Variants in BCL6B observed in about 807,000 individuals in gnomAD.
The protein encoded by BCL6B is BCL6B transcription repressor.
In BCL6B, 28 loss-of-function variants were observed where a neutral mutation model predicts 44.6. The observed-to-expected ratio is 0.63, with a 90% CI of 0.47 to 0.86. The LOEUF (loss-of-function observed/expected upper bound fraction) is 0.86. BCL6B is among the 40% of genes least tolerant of loss of function. The pLI is 0.00. For synonymous variants in BCL6B, 268 were observed against 263.6 expected (o/e 1.02, Z -0.16); for missense variants, 626 against 652.3 (o/e 0.96, Z 0.44).
rs1274575901 is a variant in BCL6B, at chr17:7,026,597, G to C, written c.1030G>C (p.Ala344Pro). 1 of 1,614,184 alleles carries C rather than the reference G, an allele frequency of 6.2e-7. No homozygotes were observed. Among genetic ancestry groups the C allele is most frequent in the East Asian group, 2.2e-5 (1 of 44,888 alleles). ...RSSFRYKGNLASHRTVHTGEK... is the reference protein window; with the variant it reads ...RSSFRYKGNLPSHRTVHTGEK... ...TTCGTTCCGCTACAAGGGCAACCTT[G>C]CCAGTCATCGTACAGTGCACACAGG... Residue 344 changes from alanine (A) to proline (P), a missense_variant, in exon 6 of 9, where the codon GCC becomes CCC. Transcript: ENST00000293805.
rs1910346854 is a variant in BCL6B, at chr17:7,027,965, T to C, written c.*346T>C. 1 of 1,070,304 alleles carries C rather than the reference T, an allele frequency of 9.3e-7. No individual in the cohort carries two copies. Among genetic ancestry groups the C allele is most frequent in the South Asian group, 3.2e-5 (1 of 31,078 alleles). The allele number at this position is 1,070,304 out of a possible 1,614,324, so 66.3% of individuals were successfully genotyped here. On this transcript the variant is annotated 3_prime_UTR_variant, in exon 9 of 9. Coordinates refer to ENST00000293805, the MANE Select transcript of BCL6B (RefSeq NM_181844.4). ...CAGTTTATCTGTAAATATAATTTATTGAGGCCTTTGGGTGGCACCGGGGCC... is the reference window on the plus strand; with the variant it reads ...CAGTTTATCTGTAAATATAATTTATCGAGGCCTTTGGGTGGCACCGGGGCC...
rs1220949579 is a variant in BCL6B at position 7,025,134 on chromosome 17, T to C, written c.823T>C (p.Tyr275His). The C allele has an allele frequency of 1.9e-6, 3 of 1,614,100 alleles. No individual in the cohort carries two copies. The highest frequency in any genetic ancestry group is 2.5e-6 in the Non-Finnish European group (3 of 1,179,998). Residue 275 changes from tyrosine (Y) to histidine (H), a missense_variant, in exon 5 of 9, where the codon TAC (tyrosine) becomes CAC (histidine). Transcript: ENST00000293805. ...ATGTGGGGCTCCAGCCAGTACCCCC[T>C]ACCTCCTCACATCCCAGGCTCAAGA... ...FKCGAPASTP[Y>H]LLTSQAQDTS...
chr17:7,029,248 C>T lies in BCL6B; in HGVS notation c.*1629C>T. ...AGGTAGAAAGTGAGGAACAGGGTTG[C>T]CTCTTGGCTGGGTGGAGTCTCTGAA... On this transcript the variant is annotated 3_prime_UTR_variant, in exon 9 of 9. Coordinates refer to ENST00000293805, the MANE Select transcript of BCL6B (RefSeq NM_181844.4). The T allele has an allele frequency of 3.0e-6, 3 of 986,484 alleles. No individual in the cohort carries two copies. The highest frequency in any genetic ancestry group is 3.6e-6 in the Non-Finnish European group (3 of 830,694). The allele number at this position is 986,484 out of a possible 1,614,324, so 61.1% of individuals were successfully genotyped here.
chr17:7,023,588 G>T (rs72834413), intron 1 of BCL6B, 72 bp from the exon 2 acceptor site: 112,530 of 1,446,786 alleles, frequency 0.078, 4,944 homozygotes, highest in Non-Finnish European at 0.092. Context: ...ACCTCGGAAG[G>T]AAAAGGCAAA....
rs757211938 is a variant in BCL6B at position 7,023,716 on chromosome 17, C to T, written c.45C>T (p.Arg15=). Residue 15 remains arginine, a synonymous_variant, in exon 2 of 9, where the codon CGC becomes CGT. Transcript: ENST00000293805. ...AAPEGALGYV[R]EFTRHSSDVL... The stretch of plus-strand genomic sequence containing the variant: ...CGGAGGGAGCGCTGGGCTACGTCCG[C>T]GAGTTCACTCGCCACTCCTCCGACG... The T allele has an allele frequency of 4.3e-6, 7 of 1,613,150 alleles. No homozygotes were observed. Among genetic ancestry groups the T allele is most frequent in the East Asian group, 2.2e-5 (1 of 44,872 alleles).
At position 7,023,833 on chromosome 17, in the gene BCL6B, A is replaced by T. The variant is rs1262302228; in HGVS notation, c.162A>T (p.Ala54=). Residue 54 remains alanine, a synonymous_variant, in exon 2 of 9, where the codon GCA becomes GCT. Coordinates refer to ENST00000293805, the MANE Select transcript of BCL6B (RefSeq NM_181844.4). ...VGGQPLRAHK[A]VLIACSGFFY... Reference sequence around the variant, plus strand: ...GGCAACCCCTCAGAGCACACAAGGCAGTTCTCATCGCCTGCAGGTTCGAGG... The same window carrying T: ...GGCAACCCCTCAGAGCACACAAGGCTGTTCTCATCGCCTGCAGGTTCGAGG... 2.9e-6 allele frequency: 3 copies of T among 1,024,514 alleles called. No homozygotes were observed. Among genetic ancestry groups the T allele is most frequent in the East Asian group, 5.1e-5 (1 of 19,688 alleles). 63.5% of individuals were successfully genotyped at this position (1,024,514 alleles called of 1,614,324 possible). A position where few individuals can be genotyped will look rare whatever the true frequency, so the allele number is the denominator to read the frequency against.
chr17:7,023,280 G>A, intron 1 of BCL6B, 181 bp downstream of exon 1: 1 of 218,148 alleles, frequency 4.6e-6, no homozygotes, highest in East Asian at 1.0e-4. Context: ...GGATTTGGAG[G>A]TGTGTGGACG....
chr17:7,027,057 T>G lies in BCL6B; in HGVS notation c.1293T>G (p.Val431=). Residue 431 remains valine (V), a synonymous_variant, in exon 8 of 9, where the codon GTT becomes GTG. Coordinates refer to ENST00000293805, the MANE Select transcript of BCL6B (RefSeq NM_181844.4). ...FRHLQTLKSH[V]RIHTGEKPYH... is the part of the protein sequence containing the mutation. ...ACCTGCAGACCCTCAAGAGCCACGT[T>G]CGCATCCACACCGGAGAGAAGCCTT... 6.2e-7 allele frequency: 1 copy of G among 1,613,924 alleles called. No homozygotes were observed.
rs1452883141 is a variant in BCL6B, at chr17:7,023,743, G to A, written c.72G>A (p.Val24=). Residue 24 remains valine, a synonymous_variant, in exon 2 of 9, where the codon GTG becomes GTA. Transcript: ENST00000293805. The part of the protein sequence containing the change: ...VREFTRHSSD[V]LGNLNELRLR... ...AGTTCACTCGCCACTCCTCCGACGT[G>A]CTGGGCAACCTCAACGAGCTGCGCC... is the stretch of plus-strand genomic sequence containing the variant. 1.9e-6 allele frequency: 3 copies of A among 1,613,332 alleles called. No homozygotes were observed. Among genetic ancestry groups the A allele is most frequent in the East Asian group, 4.5e-5 (2 of 44,874 alleles).
intron 1 of BCL6B, 123 bp from the exon 2 acceptor site, chr17:7,023,537 G>A (rs985600854): frequency 2.2e-6 from 2 of 917,958 alleles, no homozygotes; most frequent in South Asian, 1.7e-5. Context: ...GGGAGGCTGC[G>A]TGTGCCGGGG....
In BCL6B at chr17:7,025,079, C is replaced by G; in HGVS notation, c.768C>G (p.Leu256=). The G allele has an allele frequency of 1.2e-6, 2 of 1,614,116 alleles. No individual in the cohort carries two copies. The highest frequency in any genetic ancestry group is 1.7e-6 in the Non-Finnish European group (2 of 1,179,982). Residue 256 remains leucine, a synonymous_variant, in exon 5 of 9, where the codon CTC becomes CTG. Coordinates refer to ENST00000293805, the MANE Select transcript of BCL6B (RefSeq NM_181844.4). ...EGPIPGPQSR[L]SPTAATVQFK... Reference sequence around the variant, plus strand: ...CCTTTCCTTGCCATCTGCCTAGGCTCTCTCCAACTGCTGCCACTGTGCAGT... The same window carrying G: ...CCTTTCCTTGCCATCTGCCTAGGCTGTCTCCAACTGCTGCCACTGTGCAGT...
chr17:7,027,919 A>G lies in BCL6B; in HGVS notation c.*300A>G. 1 of 1,197,372 alleles carries G rather than the reference A, an allele frequency of 8.4e-7. No individual in the cohort carries two copies. The highest frequency in any genetic ancestry group is 1.0e-6 in the Non-Finnish European group (1 of 960,796). 74.2% of individuals were successfully genotyped at this position (1,197,372 alleles called of 1,614,324 possible). On this transcript the variant is annotated 3_prime_UTR_variant, in exon 9 of 9. Transcript: ENST00000293805. ...GGTCTCCCTAAGGGAATAGCCCTCC[A>G]CCTGTGGCCCCCATTGCATTCAGTT...
At position 7,026,547 on chromosome 17, in the gene BCL6B, C is replaced by T; in HGVS notation, c.980C>T (p.Pro327Leu). 6.2e-7 allele frequency: 1 copy of T among 1,614,170 alleles called. No individual in the cohort carries two copies. The highest frequency in any genetic ancestry group is 8.5e-7 in the Non-Finnish European group (1 of 1,180,012). Residue 327 changes from proline (P) to leucine (L), a missense_variant, in exon 6 of 9, where the codon CCC becomes CTC. Transcript: ENST00000293805. ...TTGGTTCCTGGGGACGAAGACAAAC[C>T]CTATAAGTGTCAGCTGTGCCGGTCT... ...DSLVPGDEDK[P>L]YKCQLCRSSF...
Position 7,026,960 on chromosome 17 carries a change from T to G in BCL6B, c.1196T>G (p.Leu399Arg). The G allele has an allele frequency of 2.5e-6, 4 of 1,612,658 alleles. No homozygotes were observed. Among genetic ancestry groups the G allele is most frequent in the Non-Finnish European group, 3.4e-6 (4 of 1,179,980 alleles). The change falls in exon 8 of 9, where the codon CTG (leucine) becomes CGG (arginine). Residue 399 changes from leucine to arginine, a missense_variant. Physicochemically the swap from Leu to Arg is moderately radical, Grantham distance 102. Transcript: ENST00000293805. ...TCTCCTCCCTCCCAGGTGGCACATC[T>G]GCGGGCGCACGTGCTGATCCACACC... ...CGSRFVQVAH[L>R]RAHVLIHTGE...
intron 2 of BCL6B, 80 bp from the exon 3 acceptor site, chr17:7,023,985 GAGGAGGCGGGACTTTTTC>G (rs1910202266): frequency 1.3e-6 from 2 of 1,523,936 alleles, no homozygotes; most frequent in Admixed American, 3.6e-5. Flanking sequence ...GGGTGATAGT[GAGGAGGCGGGACTTTTTC>G]AGGGGGCGGG....
rs375565940 is a variant in BCL6B, at chr17:7,026,528, C to T, written c.961C>T (p.Pro321Ser). ...GCSSGLDSLV[P>S]GDEDKPYKCQ... ...CTCATCGGGGCTGGACTCCTTGGTT[C>T]CTGGGGACGAAGACAAACCCTATAA... is the stretch of plus-strand genomic sequence containing the variant. The change falls in exon 6 of 9, where the codon CCT becomes TCT. Residue 321 changes from proline to serine, a missense_variant. Pro to Ser is a moderately conservative substitution (Grantham distance 74). Coordinates refer to ENST00000293805, the MANE Select transcript of BCL6B (RefSeq NM_181844.4). 7.7e-5 allele frequency: 125 copies of T among 1,614,164 alleles called. No homozygotes were observed. The Middle Eastern group carries it at 1.6e-3, about 21-fold the overall frequency.
At position 7,026,817 on chromosome 17, in the gene BCL6B, C is replaced by T. The variant is rs374454947; in HGVS notation, c.1167C>T (p.Cys389=). The change falls in exon 7 of 9, where the codon TGC becomes TGT. Residue 389 remains cysteine (C), a synonymous_variant. Transcript: ENST00000293805. ...AGAAGCCGTATAAGTGTGAGACGTG[C>T]GGCTCGCGCTTTGTACAGGTACGGA... is the stretch of plus-strand genomic sequence containing the variant. The part of the protein sequence containing the change: ...SGEKPYKCET[C]GSRFVQVAHL... 1.5e-5 allele frequency: 24 copies of T among 1,613,892 alleles called. No homozygotes were observed. The highest frequency in any genetic ancestry group is 2.7e-5 in the African/African-American group (2 of 74,938).
Position 7,024,117 on chromosome 17 carries a change from G to A in BCL6B, c.214G>A (p.Gly72Arg), listed in dbSNP as rs1170444679. The A allele has an allele frequency of 6.2e-7, 1 of 1,614,032 alleles. No homozygotes were observed. Among genetic ancestry groups the A allele is most frequent in the Non-Finnish European group, 8.5e-7 (1 of 1,180,034 alleles). Residue 72 changes from glycine (G) to arginine (R), a missense_variant, in exon 3 of 9, where the codon GGA becomes AGA. Transcript: ENST00000293805. The surrounding 1 kb of genome is among the most constrained non-coding windows in gnomAD (Gnocchi z 6.6). Reference sequence around the variant, plus strand: ...CTATTCAATTTTCCGGGGCCGTGCGGGAGTCGGGGTGGACGTGCTCTCTCT... The same window carrying A: ...CTATTCAATTTTCCGGGGCCGTGCGAGAGTCGGGGTGGACGTGCTCTCTCT... ...FFYSIFRGRA[G>R]VGVDVLSLPG...
intron 8 of BCL6B, 128 bp downstream of exon 8, chr17:7,027,215 A>C: frequency 7.7e-7 from 1 of 1,299,568 alleles, no homozygotes; most frequent in South Asian, 1.4e-5. Flanking sequence ...GGAAGAGTCC[A>C]AGCAAATAAG....
Sources: allele counts gnomAD v4.1 joint callset, GRCh38; gene constraint gnomAD v4.1.1; non-coding constraint Gnocchi (gnomAD v3.1); transcripts MANE v1.5; gene names NCBI Gene and HGNC (gene_info 2026-07-23, HGNC 2026-07-21).